Variants in MARCHF7 observed in about 807,000 individuals in gnomAD.
MARCHF7 encodes membrane associated ring-CH-type finger 7.
Under a neutral mutation model 76.5 loss-of-function variants are expected in MARCHF7, and 20 were observed. That is an observed-to-expected ratio of 0.26 (90% confidence interval 0.18 to 0.38). The LOEUF (loss-of-function observed/expected upper bound fraction) is 0.38, where lower values mean the gene tolerates loss of function less well. Ranked by LOEUF, MARCHF7 falls within the 10% of genes least tolerant of loss-of-function variation. MARCHF7 has a pLI of 1.00. For synonymous variants in MARCHF7, 295 were observed against 293.0 expected, an observed-to-expected ratio of 1.01 and a Z score of -0.07; for missense variants, 797 against 812.9, an observed-to-expected ratio of 0.98 and a Z score of 0.24.
intron 5 of MARCHF7, among the ~76,000 whole-genome samples, chr2:159,744,528 A>G (rs1704607242): frequency 1.3e-5 from 2 of 152,250 alleles, no homozygotes; most frequent in South Asian, 4.1e-4. Flanking sequence ...AGCCAGTGCC[A>G]GTGTTTAAGA....
In MARCHF7 at chr2:159,768,247, C is replaced by G. The variant is rs1707997533; in HGVS notation, c.*905C>G. On this transcript the variant is annotated 3_prime_UTR_variant, in exon 12 of 12. Coordinates refer to ENST00000409175, the MANE Select transcript of MARCHF7 (RefSeq NM_001282805.2). The stretch of plus-strand genomic sequence containing the variant: ...CTGTTTGGATCCTGGTCCTTTTTAA[C>G]TGTTCCTTGGTAATTCTGAGCATTT... 1 of 152,426 alleles carries G rather than the reference C, an allele frequency of 6.6e-6. No homozygotes were observed. Among genetic ancestry groups the G allele is most frequent in the Non-Finnish European group, 1.5e-5 (1 of 67,930 alleles). 9.4% of individuals were successfully genotyped at this position (152,426 alleles called of 1,614,324 possible).
At chr2:159,742,289 A>T (rs1322209388) in intron 4 of MARCHF7, among the ~76,000 whole-genome samples, 1 of 151,596 alleles carries the variant, frequency 6.6e-6, no homozygotes, top group African/African-American at 2.4e-5. Flanking sequence ...CTAGTGTTGT[A>T]TGACCGTATT....
chr2:159,768,177 G>A lies in MARCHF7; in HGVS notation c.*835G>A, dbSNP rs758145128. ...AGTTTAAAACACTGGTTTTCAATGT[G>A]TTTTTTAGTGTTGTCACTTGTTTAT... On this transcript the variant is annotated 3_prime_UTR_variant, in exon 12 of 12. Coordinates refer to ENST00000409175, the MANE Select transcript of MARCHF7 (RefSeq NM_001282805.2). 2.0e-5 allele frequency: 3 copies of A among 152,492 alleles called. No homozygotes were observed. The highest frequency in any genetic ancestry group is 6.6e-5 in the Admixed American group (1 of 15,264). The allele number at this position is 152,492 out of a possible 1,614,324, so 9.4% of individuals were successfully genotyped here.
chr2:159,727,589 GA>G (rs1304852818), intron 3 of MARCHF7, among the ~76,000 whole-genome samples: 1 of 150,870 alleles, frequency 6.6e-6, no homozygotes, highest in East Asian at 1.9e-4. Context: ...CTCCGTCTCA[GA>G]AAAAAAAAGC....
rs867167878 is a variant in MARCHF7 at position 159,759,273 on chromosome 2, T to C, written c.1831T>C (p.Leu611=). Residue 611 remains leucine (L), a synonymous_variant, in exon 9 of 12, where the codon TTG becomes CTG. Transcript: ENST00000409175. ...VTTCELCKEK[L]ELNLEDFDIH... The stretch of plus-strand genomic sequence containing the variant: ...CACCTGTGAACTATGTAAAGAGAAG[T>C]TGGAGCTTAACCTGGAGGATTTTGA... 1.2e-6 allele frequency: 2 copies of C among 1,612,350 alleles called. No individual in the cohort carries two copies. The highest frequency in any genetic ancestry group is 1.7e-4 in the Middle Eastern group (1 of 6,048).
intron 3 of MARCHF7, among the ~76,000 whole-genome samples, chr2:159,726,044 A>G (rs1702121476): frequency 6.6e-6 from 1 of 152,062 alleles, no homozygotes; most frequent in South Asian, 2.1e-4. Flanking sequence ...CCTTATACTG[A>G]CCCCATGCCT....
At chr2:159,716,078 T>C (rs1434873072) in intron 3 of MARCHF7, among the ~76,000 whole-genome samples, 1 of 151,216 alleles carries the variant, frequency 6.6e-6, no homozygotes, top group African/African-American at 2.5e-5. Context: ...TTTTTAAGAT[T>C]TGGGCATGTC....
At chr2:159,732,320 A>C (rs1007457022) in intron 4 of MARCHF7, among the ~76,000 whole-genome samples, 1 of 152,196 alleles carries the variant, frequency 6.6e-6, no homozygotes, top group Non-Finnish European at 1.5e-5. Context: ...GATTCTTAAG[A>C]TAAATTATTT....
intron 4 of MARCHF7, among the ~76,000 whole-genome samples, chr2:159,730,928 T>C (rs1187732605): frequency 1.5e-5 from 1 of 65,730 alleles, no homozygotes; most frequent in African/African-American, 6.0e-5. Flanking sequence ...TCTCACTCTG[T>C]TACCCAGGCT....
At chr2:159,743,992 TTTTTTTTTTTTTG>T (rs1200625056) in intron 5 of MARCHF7, among the ~76,000 whole-genome samples, 7 of 44,240 alleles carry the variant, frequency 1.6e-4, no homozygotes, top group Non-Finnish European at 2.6e-4. Context: ...TTTTTTTTTT[TTTTTTTTTTTTTG>T]GAGACGGAGT....
At position 159,733,647 on chromosome 2, in the gene MARCHF7, A is replaced by G. The variant is rs988799907; in HGVS notation, c.153+4472A>G. 1.8e-5 allele frequency: 18 copies of G among 985,376 alleles called. No homozygotes were observed. The African/African-American group carries it at 2.6e-4, about 14-fold the overall frequency. The allele number at this position is 985,376 out of a possible 1,614,324, so 61.0% of individuals were successfully genotyped here. The stretch of plus-strand genomic sequence containing the variant: ...AGGCACTTGGTAAATCTGAAGCTTC[A>G]GAGAAAAGAGGGTCAGGGGGTAGGA... On this transcript the variant is annotated intron_variant, in intron 4 of 11. Transcript: ENST00000409175.
chr2:159,758,921 C>T (rs1706662499), intron 8 of MARCHF7, among the ~76,000 whole-genome samples: 1 of 152,182 alleles, frequency 6.6e-6, no homozygotes, highest in Non-Finnish European at 1.5e-5. Context: ...GTACAGATGA[C>T]ATTCCATTGC....
At chr2:159,735,173 GA>G (rs1703304567) in intron 4 of MARCHF7, among the ~76,000 whole-genome samples, 1 of 152,140 alleles carries the variant, frequency 6.6e-6, no homozygotes, top group African/African-American at 2.4e-5. Context: ...TGTTGTTCTG[GA>G]AGTCTTTCAA....
chr2:159,745,651 G>A (rs572322387), intron 5 of MARCHF7, 119 bp from the exon 6 acceptor site: 78 of 674,190 alleles, frequency 1.2e-4, no homozygotes, highest in Middle Eastern at 4.4e-4. Flanking sequence ...GTGAGACTCC[G>A]TCTCAAATAA....
intron 9 of MARCHF7, among the ~76,000 whole-genome samples, chr2:159,761,205 G>T (rs546021081): frequency 1.3e-4 from 19 of 151,400 alleles, no homozygotes; most frequent in African/African-American, 4.6e-4. Context: ...TGAATTTTTA[G>T]TAGGGACGGG....
At chr2:159,755,249 TA>T (rs1175284435) in intron 8 of MARCHF7, among the ~76,000 whole-genome samples, 3 of 152,224 alleles carry the variant, frequency 2.0e-5, no homozygotes, top group Non-Finnish European at 4.4e-5. Flanking sequence ...AATGGCTATT[TA>T]GGGGTAGTGC....
intron 3 of MARCHF7, among the ~76,000 whole-genome samples, chr2:159,719,409 A>G (rs181982842): frequency 1.2e-3 from 180 of 151,764 alleles, no homozygotes; most frequent in African/African-American, 3.7e-3. Flanking sequence ...CCCACTCCCA[A>G]TCCCCTGAAA....
chr2:159,741,678 C>A (rs1241333040), intron 4 of MARCHF7, among the ~76,000 whole-genome samples: 1 of 152,078 alleles, frequency 6.6e-6, no homozygotes, highest in Non-Finnish European at 1.5e-5. Context: ...ATGATGCATT[C>A]CATTTTAACT....
At chr2:159,733,667 G>T (rs1482754549) in intron 4 of MARCHF7, 1 of 985,252 alleles carries the variant, frequency 1.0e-6, no homozygotes, top group Non-Finnish European at 1.2e-6. Context: ...GGGTCAGGGG[G>T]TAGGACATGA....
Sources: allele counts gnomAD v4.1 joint callset (sites outside exome capture counted in the v4.1 genomes callset), GRCh38; gene constraint gnomAD v4.1.1; transcripts MANE v1.5; gene names NCBI Gene and HGNC (gene_info 2026-07-23, HGNC 2026-07-21).